Variants in SOBP observed in about 807,000 individuals in gnomAD.
SOBP encodes sine oculis-binding protein homolog.
In SOBP, 4 loss-of-function variants were observed where a neutral mutation model predicts 53.6. The observed-to-expected ratio is 0.07, with a 90% CI of 0.04 to 0.17. The LOEUF is 0.17. Ranked by LOEUF, SOBP falls within the 10% of genes least tolerant of loss-of-function variation. The probability of loss-of-function intolerance (pLI) is 1.00; values close to 1 mark genes in which losing one functional copy is unlikely to be tolerated. For missense variants in SOBP, 1,088 were observed against 1,204.7 expected, an observed-to-expected ratio of 0.90 and a Z score of 1.43; for synonymous variants, 584 against 522.6, an observed-to-expected ratio of 1.12 and a Z score of -1.60.
At chr6:107,604,552 T>C (rs1583262394) in intron 5 of SOBP, among the ~76,000 whole-genome samples, 1 of 67,048 alleles carries the variant, frequency 1.5e-5, no homozygotes, top group Non-Finnish European at 2.9e-5. Context: ...CCTCTACCCC[T>C]ACCCCACCTC....
At chr6:107,625,303 A>C (rs1025008650) in intron 5 of SOBP, among the ~76,000 whole-genome samples, 12 of 152,186 alleles carry the variant, frequency 7.9e-5, no homozygotes, top group Admixed American at 2.0e-4. Context: ...TGAGTTGGGC[A>C]ACTTAGGGTG....
At chr6:107,655,979 G>A (rs1772015533) in intron 6 of SOBP, among the ~76,000 whole-genome samples, 1 of 152,164 alleles carries the variant, frequency 6.6e-6, no homozygotes. Context: ...TTTACTGGAG[G>A]AAAATGTTAA....
chr6:107,635,261 T>G lies in SOBP; in HGVS notation c.2417T>G (p.Leu806Arg), dbSNP rs1314909410. The G allele has an allele frequency of 5.0e-6, 8 of 1,613,908 alleles. No homozygotes were observed. The South Asian group carries it at 8.8e-5, about 18-fold the overall frequency. Residue 806 changes from leucine to arginine, a missense_variant, in exon 6 of 7, where the codon CTT becomes CGT. Transcript: ENST00000317357. This position sits in a 1 kb window ranked among gnomAD's most constrained non-coding sequence, Gnocchi z 4.5. ...GGGGGCGACAAGTCAGACCCGAACC[T>G]TAATAACCCCGCGGACGAGGACCAT... ...LAGGDKSDPNLNNPADEDHAY... is the reference protein window; with the variant it reads ...LAGGDKSDPNRNNPADEDHAY...
intron 5 of SOBP, among the ~76,000 whole-genome samples, chr6:107,595,350 C>T (rs1286667396): frequency 2.5e-4 from 22 of 88,128 alleles, no homozygotes; most frequent in East Asian, 9.3e-4. Context: ...GATTTTGATC[C>T]TTTTTTTTTT....
chr6:107,527,865 T>A (rs1783709736), intron 3 of SOBP, among the ~76,000 whole-genome samples: 1 of 152,234 alleles, frequency 6.6e-6, no homozygotes, highest in Admixed American at 6.5e-5. Context: ...CTGGCAATCC[T>A]TAGTTATATG....
chr6:107,638,562 A>G (rs1381936204), intron 6 of SOBP, among the ~76,000 whole-genome samples: 2 of 152,172 alleles, frequency 1.3e-5, no homozygotes, highest in African/African-American at 4.8e-5. Context: ...CTATGCCTTC[A>G]GAAACCCAGA....
intron 3 of SOBP, among the ~76,000 whole-genome samples, chr6:107,507,742 C>A (rs553878295): frequency 6.6e-6 from 1 of 152,270 alleles, no homozygotes; most frequent in Admixed American, 6.5e-5. Flanking sequence ...TACATATCTT[C>A]TCCAACAGAG....
At chr6:107,620,306 G>T (rs1786957919) in intron 5 of SOBP, among the ~76,000 whole-genome samples, 1 of 152,306 alleles carries the variant, frequency 6.6e-6, no homozygotes, top group African/African-American at 2.4e-5. Context: ...ATGCTTCCCT[G>T]TGGTTTCTGC....
intron 6 of SOBP, among the ~76,000 whole-genome samples, chr6:107,644,097 G>A (rs1266521572): frequency 6.6e-6 from 1 of 152,176 alleles, no homozygotes; most frequent in Non-Finnish European, 1.5e-5. Flanking sequence ...TAGGTCAGGA[G>A]TTCAAGACCA....
intron 5 of SOBP, among the ~76,000 whole-genome samples, chr6:107,605,539 G>A (rs1221572797): frequency 6.6e-6 from 1 of 152,246 alleles, no homozygotes; most frequent in African/African-American, 2.4e-5. Flanking sequence ...TACCAACAGT[G>A]TGTCCTTAGA....
chr6:107,646,334 A>C (rs1217540417), intron 6 of SOBP, among the ~76,000 whole-genome samples: 1 of 152,268 alleles, frequency 6.6e-6, no homozygotes, highest in Admixed American at 6.5e-5. Flanking sequence ...CACAATCAAC[A>C]GACCATTCCA....
chr6:107,610,853 A>G (rs1786570228), intron 5 of SOBP, among the ~76,000 whole-genome samples: 1 of 151,548 alleles, frequency 6.6e-6, no homozygotes, highest in Admixed American at 6.5e-5. Context: ...AATGAAGGCA[A>G]TTGAATACTT....
intron 6 of SOBP, among the ~76,000 whole-genome samples, chr6:107,646,097 A>G (rs940223156): frequency 2.0e-5 from 3 of 152,232 alleles, no homozygotes; most frequent in Non-Finnish European, 4.4e-5. Context: ...CTCTTTGTAG[A>G]CTGAAAGACT....
Position 107,617,427 on chromosome 6 carries a change from G to C in SOBP, c.670-16087G>C, listed in dbSNP as rs148285354. 1.8e-3 allele frequency among the ~76,000 whole-genome samples: 271 copies of C among 152,294 alleles called. 1 individual carries two copies. Among genetic ancestry groups the C allele is most frequent in the African/African-American group, 6.4e-3 (264 of 41,570 alleles). On this transcript the variant is annotated intron_variant, in intron 5 of 6. Transcript: ENST00000317357. ...TAAAAGGCAGGGTAATTATTATACAGGGTTGGGTTGAACAGAGGGTTTGTG... is the reference window on the plus strand; with the variant it reads ...TAAAAGGCAGGGTAATTATTATACACGGTTGGGTTGAACAGAGGGTTTGTG...
chr6:107,584,103 C>G (rs1423294634), intron 4 of SOBP, among the ~76,000 whole-genome samples: 1 of 152,122 alleles, frequency 6.6e-6, no homozygotes, highest in Non-Finnish European at 1.5e-5. Flanking sequence ...AGGGCCTCCC[C>G]TTGATAGCTG....
At chr6:107,552,552 G>A (rs1784489200) in intron 4 of SOBP, among the ~76,000 whole-genome samples, 1 of 152,174 alleles carries the variant, frequency 6.6e-6, no homozygotes, top group African/African-American at 2.4e-5. Context: ...GACCAAAGGG[G>A]AGGAGGAGTT....
intron 5 of SOBP, among the ~76,000 whole-genome samples, chr6:107,599,860 A>T (rs1786111725): frequency 6.6e-6 from 1 of 152,214 alleles, no homozygotes; most frequent in Admixed American, 6.5e-5. Flanking sequence ...TACATTTGGG[A>T]CTTGTTTCAG....
chr6:107,586,518 CTTT>C (rs5742433), intron 4 of SOBP, among the ~76,000 whole-genome samples: 58 of 145,896 alleles, frequency 4.0e-4, no homozygotes, highest in Middle Eastern at 3.5e-3. Flanking sequence ...TAAATTAAAT[CTTT>C]TTTTTTTTTT....
intron 6 of SOBP, among the ~76,000 whole-genome samples, chr6:107,647,249 A>C (rs957593710): frequency 3.3e-5 from 5 of 152,236 alleles, no homozygotes; most frequent in Non-Finnish European, 7.3e-5. Flanking sequence ...AGCATTATTA[A>C]GCCCATTTTG....
Sources: gnomAD v4.1 joint callset for allele counts (sites outside exome capture counted in the v4.1 genomes callset) on GRCh38, gnomAD v4.1.1 for gene constraint, Gnocchi (gnomAD v3.1) non-coding constraint, MANE v1.5 for transcripts, NCBI Gene and HGNC (gene_info 2026-07-23, HGNC 2026-07-21) for gene names.